MAP3K20: variants seen among roughly 807,000 people sequenced by gnomAD.
MAP3K20 encodes mitogen-activated protein kinase kinase kinase 20.
A neutral mutation model predicts 85.7 loss-of-function variants in MAP3K20; 40 were observed. That is an observed-to-expected ratio of 0.47 (90% CI 0.36 to 0.61). The LOEUF (loss-of-function observed/expected upper bound fraction) is 0.61. Among genes scored for constraint, MAP3K20 ranks in the 20% least tolerant of loss-of-function variants. The pLI is 0.00. For missense variants in MAP3K20, 817 were observed against 961.7 expected (o/e 0.85, Z 1.99); for synonymous variants, 325 against 327.7 (o/e 0.99, Z 0.09).
intron 3 of MAP3K20, among the ~76,000 whole-genome samples, chr2:173,179,986 C>T (rs933064248): frequency 4.6e-5 from 7 of 152,118 alleles, no homozygotes; most frequent in African/African-American, 1.4e-4. Flanking sequence ...AACAAATAGA[C>T]ATTTACATAT....
At chr2:173,174,371 C>T (rs1017002080) in intron 3 of MAP3K20, among the ~76,000 whole-genome samples, 6 of 152,200 alleles carry the variant, frequency 3.9e-5, no homozygotes, top group East Asian at 1.9e-4. Context: ...TAAACGCCCC[C>T]GACAGGCCCT....
intron 16 of MAP3K20, among the ~76,000 whole-genome samples, chr2:173,242,626 A>G (rs1684814547): frequency 6.6e-6 from 1 of 150,594 alleles, no homozygotes; most frequent in African/African-American, 2.4e-5. Flanking sequence ...GTCATAGATT[A>G]TCTACAAGCC....
In MAP3K20 at chr2:173,196,623, T is replaced by C. The variant is rs536922515; in HGVS notation, c.583-1403T>C. Among the ~76,000 whole-genome samples, 6 of 152,334 alleles carry C rather than the reference T, an allele frequency of 3.9e-5. No individual in the cohort carries two copies. In the South Asian group the frequency reaches 6.2e-4, roughly 16 times the overall value. On this transcript the variant is annotated intron_variant, in intron 7 of 19. Transcript: ENST00000375213. Reference sequence around the variant, plus strand: ...CCAGAATTCATTTACTGTGTTATGGTTGAAATGAGACTGAGCACTGGCTGA... The same window carrying C: ...CCAGAATTCATTTACTGTGTTATGGCTGAAATGAGACTGAGCACTGGCTGA...
At chr2:173,255,243 G>A (rs1196744717) in intron 16 of MAP3K20, among the ~76,000 whole-genome samples, 3 of 152,188 alleles carry the variant, frequency 2.0e-5, no homozygotes, top group African/African-American at 7.2e-5. Flanking sequence ...TTGTATCAAC[G>A]AAATCTCTGG....
intron 2 of MAP3K20, among the ~76,000 whole-genome samples, chr2:173,110,841 T>C (rs974645756): frequency 1.2e-4 from 18 of 152,172 alleles, no homozygotes; most frequent in African/African-American, 4.3e-4. Context: ...GGCATTTGGG[T>C]TGGTTCCATG....
At chr2:173,112,492 CAG>C (rs1192236828) in intron 2 of MAP3K20, among the ~76,000 whole-genome samples, 2 of 152,136 alleles carry the variant, frequency 1.3e-5, no homozygotes, top group Non-Finnish European at 2.9e-5. Flanking sequence ...TTCCAGTTCT[CAG>C]AGAGAATGCT....
chr2:173,177,530 C>A (rs1489288368), intron 3 of MAP3K20, among the ~76,000 whole-genome samples: 2 of 150,266 alleles, frequency 1.3e-5, no homozygotes, highest in Admixed American at 1.3e-4. Flanking sequence ...TCACTGCAAC[C>A]TCCACCTCCC....
intron 2 of MAP3K20, among the ~76,000 whole-genome samples, chr2:173,133,391 T>G (rs1263217270): frequency 6.6e-6 from 1 of 152,144 alleles, no homozygotes; most frequent in Non-Finnish European, 1.5e-5. Flanking sequence ...CCCAGTGAAA[T>G]GAGAGTAGAT....
At chr2:173,115,629 C>G (rs1287219854) in intron 2 of MAP3K20, among the ~76,000 whole-genome samples, 6 of 152,270 alleles carry the variant, frequency 3.9e-5, no homozygotes, top group South Asian at 4.2e-4. Flanking sequence ...TACTCTCCCC[C>G]TTTTCCTATG....
chr2:173,189,673 C>T (rs1234345330), intron 5 of MAP3K20, among the ~76,000 whole-genome samples: 1 of 152,142 alleles, frequency 6.6e-6, no homozygotes, highest in African/African-American at 2.4e-5. Context: ...TACTGAGTGG[C>T]AATACTGTTT....
intron 7 of MAP3K20, among the ~76,000 whole-genome samples, chr2:173,195,190 A>T (rs896677666): frequency 0.091 from 5,482 of 60,554 alleles, 159 homozygotes; most frequent in East Asian, 0.27. Context: ...CCTCTCTTTA[A>T]AAAAAAAAAA....
chr2:173,246,506 CTT>C (rs1352560894), intron 16 of MAP3K20, among the ~76,000 whole-genome samples: 1 of 152,104 alleles, frequency 6.6e-6, no homozygotes, highest in Non-Finnish European at 1.5e-5. Context: ...TATTATATCT[CTT>C]ATCAGCTCAC....
At chr2:173,256,522 TAGATAGATAGAC>T (rs1184778664) in intron 16 of MAP3K20, among the ~76,000 whole-genome samples, 27 of 76,358 alleles carry the variant, frequency 3.5e-4, no homozygotes, top group African/African-American at 1.1e-3. Flanking sequence ...GATAGATAGA[TAGATAGATAGAC>T]AGACAGACAG....
At chr2:173,193,878 A>C (rs1690739038) in intron 7 of MAP3K20, among the ~76,000 whole-genome samples, 1 of 152,182 alleles carries the variant, frequency 6.6e-6, no homozygotes, top group African/African-American at 2.4e-5. Context: ...GGAGGGATTT[A>C]ACAAATGCTT....
chr2:173,141,811 G>A (rs1688983497), intron 2 of MAP3K20, among the ~76,000 whole-genome samples: 1 of 151,900 alleles, frequency 6.6e-6, no homozygotes, highest in Non-Finnish European at 1.5e-5. Context: ...TTGATGAAAA[G>A]AGAAATGTCA....
At chr2:173,248,676 C>T (rs545815938) in intron 16 of MAP3K20, among the ~76,000 whole-genome samples, 1 of 152,234 alleles carries the variant, frequency 6.6e-6, no homozygotes, top group South Asian at 2.1e-4. Context: ...GGAGAAAGCC[C>T]TGGTTTGTAG....
intron 2 of MAP3K20, among the ~76,000 whole-genome samples, chr2:173,096,876 C>T (rs1213486784): frequency 6.6e-6 from 1 of 152,102 alleles, no homozygotes; most frequent in Non-Finnish European, 1.5e-5. Context: ...AGCATATACA[C>T]CAAAGGTAAG....
chr2:173,241,065 T>C (rs1684768964), intron 16 of MAP3K20, among the ~76,000 whole-genome samples: 1 of 152,268 alleles, frequency 6.6e-6, no homozygotes, highest in African/African-American at 2.4e-5. Flanking sequence ...GATAGTAGAA[T>C]GATGATTACC....
intron 2 of MAP3K20, among the ~76,000 whole-genome samples, chr2:173,123,085 C>A (rs1379962521): frequency 6.6e-6 from 1 of 152,168 alleles, no homozygotes; most frequent in Non-Finnish European, 1.5e-5. Context: ...CATGATAAAT[C>A]CACTACATTC....
Sources: gnomAD v4.1 joint callset for allele counts (sites outside exome capture counted in the v4.1 genomes callset) on GRCh38, gnomAD v4.1.1 for gene constraint, MANE v1.5 for transcripts, NCBI Gene and HGNC (gene_info 2026-07-23, HGNC 2026-07-21) for gene names.